The following DCAF6 variants were observed in gnomAD, a reference collection of about 807,000 sequenced individuals.
The protein encoded by DCAF6 is DDB1 and CUL4 associated factor 6.
In DCAF6, 54 loss-of-function variants were observed where a neutral mutation model predicts 125.1. That is an observed-to-expected ratio of 0.43 (90% CI 0.35 to 0.54). The LOEUF is 0.54. Among genes scored for constraint, DCAF6 ranks in the 20% least tolerant of loss-of-function variants. The pLI is 0.01. For synonymous variants in DCAF6, 371 were observed against 390.4 expected (o/e 0.95, Z 0.58); for missense variants, 934 against 1,161.7 (o/e 0.80, Z 2.85).
In DCAF6 at chr1:167,979,271, C is replaced by A. The variant is rs957309772; in HGVS notation, c.438+4256C>A. On this transcript the variant is annotated intron_variant, in intron 4 of 21. Transcript: ENST00000367840. Reference sequence around the variant, plus strand: ...GAAAGACCATTTTAACATGATAGACCCATTTACCCAAGATGTTTTTTGCCA... The same window carrying A: ...GAAAGACCATTTTAACATGATAGACACATTTACCCAAGATGTTTTTTGCCA... Among the ~76,000 whole-genome samples, 3 of 151,856 alleles carry A rather than the reference C, an allele frequency of 2.0e-5. No homozygotes were observed. In the East Asian group the frequency reaches 5.8e-4, roughly 29 times the overall value.
intron 10 of DCAF6, among the ~76,000 whole-genome samples, chr1:168,007,046 A>G (rs879304444): frequency 4.1e-4 from 63 of 152,154 alleles, no homozygotes; most frequent in Admixed American, 3.5e-3. Flanking sequence ...TTACACTTTC[A>G]TGTCTCTCAA....
the DCAF6 span, among the ~76,000 whole-genome samples, chr1:167,927,930 T>C: frequency 1.3e-5 from 2 of 152,258 alleles, no homozygotes; most frequent in African/African-American, 2.4e-5. Context: ...AACAGAAAAA[T>C]AGCAGTAGCC....
At chr1:168,045,563 T>C (rs1689063607) in intron 16 of DCAF6, among the ~76,000 whole-genome samples, 1 of 152,180 alleles carries the variant, frequency 6.6e-6, no homozygotes, top group Non-Finnish European at 1.5e-5. Context: ...CAGATTATCT[T>C]GTAGATATCC....
At chr1:167,895,148 C>G in the DCAF6 span, among the ~76,000 whole-genome samples, 337 of 149,886 alleles carry the variant, frequency 2.2e-3, 1 homozygote, top group African/African-American at 8.0e-3. Flanking sequence ...CGCCAGTGCA[C>G]TCCAACCTGG....
the DCAF6 span, chr1:167,880,194 G>T: frequency 1.2e-6 from 2 of 1,611,608 alleles, no homozygotes; most frequent in African/African-American, 1.3e-5. Flanking sequence ...ATACAGTTCT[G>T]GTGCAGGGGA....
intron 20 of DCAF6, 128 bp from the exon 21 acceptor site, chr1:168,068,230 A>G: frequency 1.9e-6 from 1 of 514,954 alleles, no homozygotes; most frequent in Non-Finnish European, 3.5e-6. Flanking sequence ...AGAAATATAG[A>G]CATCAGACGC....
At chr1:168,004,015 A>G in intron 9 of DCAF6, 26 bp downstream of exon 9, 3 of 1,601,472 alleles carry the variant, frequency 1.9e-6, no homozygotes, top group Non-Finnish European at 2.6e-6. Flanking sequence ...AATTAAAGTC[A>G]TCAGAAAGCT....
the DCAF6 span, among the ~76,000 whole-genome samples, chr1:167,915,353 A>T: frequency 1.3e-5 from 2 of 152,360 alleles, no homozygotes; most frequent in Admixed American, 1.3e-4. Context: ...ATTAGTTCAG[A>T]AACCGTGCAA....
intron 17 of DCAF6, among the ~76,000 whole-genome samples, chr1:168,061,856 T>C (rs1691635104): frequency 6.6e-6 from 1 of 152,140 alleles, no homozygotes; most frequent in South Asian, 2.1e-4. Flanking sequence ...TGAGAGTATC[T>C]ATTAAAGCAG....
At chr1:167,998,897 A>G (rs1171277467) in intron 7 of DCAF6, among the ~76,000 whole-genome samples, 2 of 152,160 alleles carry the variant, frequency 1.3e-5, no homozygotes, top group South Asian at 4.2e-4. Flanking sequence ...AACTTCTTCC[A>G]AACTCCTGTT....
intron 21 of DCAF6, among the ~76,000 whole-genome samples, chr1:168,072,620 T>C (rs533301792): frequency 1.3e-5 from 2 of 152,342 alleles, no homozygotes; most frequent in African/African-American, 2.4e-5. Flanking sequence ...GCCTACCACA[T>C]AGTAGTTGCT....
chr1:167,941,956 T>C (rs1222109167), intron 1 of DCAF6, among the ~76,000 whole-genome samples: 1 of 152,272 alleles, frequency 6.6e-6, no homozygotes, highest in Non-Finnish European at 1.5e-5. Flanking sequence ...CAGCAGTATA[T>C]GAGAGTTCCA....
chr1:167,976,569 T>A (rs1191797548), intron 4 of DCAF6, among the ~76,000 whole-genome samples: 1 of 152,236 alleles, frequency 6.6e-6, no homozygotes, highest in Admixed American at 6.5e-5. Flanking sequence ...AGATAGACAT[T>A]CATTTTTGTT....
rs369892561 is a variant in DCAF6, at chr1:167,943,819, G to A, written c.97+6811G>A. 5.3e-5 allele frequency among the ~76,000 whole-genome samples: 8 copies of A among 152,034 alleles called. No individual in the cohort carries two copies. The East Asian group carries it at 9.7e-4, about 18-fold the overall frequency. On this transcript the variant is annotated intron_variant, in intron 1 of 21. Transcript: ENST00000367840. ...GATAATGACCTCTAGTTCCATCCAC[G>A]TTGCTGTATATGTCATGATTTCATT...
intron 1 of DCAF6, among the ~76,000 whole-genome samples, chr1:167,938,259 GGT>G (rs1187833311): frequency 8.4e-6 from 1 of 119,018 alleles, no homozygotes; most frequent in Non-Finnish European, 1.6e-5. Flanking sequence ...CAAATGCTGG[GGT>G]GTGTGTGTGT....
chr1:167,893,951 C>G, the DCAF6 span: 112 of 1,608,434 alleles, frequency 7.0e-5, no homozygotes, highest in African/African-American at 1.3e-3. Context: ...TCTAAGAAGG[C>G]AGAAGGAGGG....
intron 2 of DCAF6, among the ~76,000 whole-genome samples, chr1:167,960,310 T>G (rs1483976423): frequency 1.3e-5 from 2 of 151,976 alleles, no homozygotes; most frequent in Non-Finnish European, 2.9e-5. Context: ...TATTTATTTA[T>G]TTTTTTGAGA....
intron 10 of DCAF6, among the ~76,000 whole-genome samples, chr1:168,009,340 T>A (rs1477409790): frequency 2.1e-5 from 3 of 140,576 alleles, no homozygotes; most frequent in African/African-American, 8.3e-5. Context: ...CTTTCCTTCC[T>A]TCCTCCCTTC....
chr1:167,938,575 T>A (rs766142535), intron 1 of DCAF6, among the ~76,000 whole-genome samples: 9 of 152,180 alleles, frequency 5.9e-5, no homozygotes, highest in Non-Finnish European at 7.3e-5. Flanking sequence ...TGGAGTCTGG[T>A]TTTTAAAACT....
Sources: allele counts gnomAD v4.1 joint callset (sites outside exome capture counted in the v4.1 genomes callset), GRCh38; gene constraint gnomAD v4.1.1; transcripts MANE v1.5; gene names NCBI Gene and HGNC (gene_info 2026-07-23, HGNC 2026-07-21).